The following IFT81 variants were observed in gnomAD, a reference collection of about 807,000 sequenced individuals.
IFT81 encodes the protein intraflagellar transport protein 81 homolog.
In IFT81, 72 loss-of-function variants were observed where a neutral mutation model predicts 102.6. The ratio of observed to expected loss-of-function variants is 0.70; its 90% CI spans 0.58 to 0.85. IFT81 has a LOEUF of 0.85. Ranked by LOEUF, IFT81 falls within the 40% of genes least tolerant of loss-of-function variation. The pLI, the probability that IFT81 is intolerant of heterozygous loss-of-function variation, is 0.00. For missense variants in IFT81, 723 were observed against 787.3 expected (o/e 0.92, Z 0.98); for synonymous variants, 237 against 242.7 (o/e 0.98, Z 0.22).
chr12:110,139,365 AAAAG>A (rs1894711733), intron 8 of IFT81, among the ~76,000 whole-genome samples: 1 of 150,738 alleles, frequency 6.6e-6, no homozygotes, highest in Non-Finnish European at 1.5e-5. Flanking sequence ...AGAAAAGGAA[AAAAG>A]AAAAGAAAAA....
chr12:110,145,434 GT>G lies in IFT81; in HGVS notation c.946-1511del, dbSNP rs1162828025. On this transcript the variant is annotated intron_variant, in intron 9 of 18. Transcript: ENST00000242591. ...TAAATACATAATTCTGACTGTTTTGGTTTTTTTTGTTTTTTTTTTTTTGAGA... is the reference window on the plus strand; with the variant it reads ...TAAATACATAATTCTGACTGTTTTGGTTTTTTTGTTTTTTTTTTTTTGAGA... 2.0e-5 allele frequency among the ~76,000 whole-genome samples: 3 copies of G among 149,062 alleles called. No homozygotes were observed. The Admixed American group carries it at 2.0e-4, about 10-fold the overall frequency.
intron 12 of IFT81, among the ~76,000 whole-genome samples, chr12:110,185,425 C>T (rs1897486601): frequency 6.6e-6 from 1 of 152,020 alleles, no homozygotes. Context: ...CTCCCGACCT[C>T]GTGATCTGCC....
At chr12:110,200,881 C>T (rs1430447044) in intron 14 of IFT81, among the ~76,000 whole-genome samples, 8 of 151,346 alleles carry the variant, frequency 5.3e-5, no homozygotes, top group Non-Finnish European at 8.8e-5. Flanking sequence ...ACCCGGGAGG[C>T]GGAGGTTGCG....
intron 13 of IFT81, 53 bp downstream of exon 13, chr12:110,191,101 G>A: frequency 2.7e-6 from 4 of 1,473,124 alleles, no homozygotes; most frequent in Non-Finnish European, 3.6e-6. Context: ...GAAGGCAGGT[G>A]TTTTGTGTTA....
At chr12:110,205,756 A>G in intron 17 of IFT81, 76 bp downstream of exon 17, 3 of 914,598 alleles carry the variant, frequency 3.3e-6, no homozygotes, top group Middle Eastern at 3.4e-4. Flanking sequence ...AGATAGAATT[A>G]TACAAATTTA....
Position 110,141,018 on chromosome 12 carries a change from C to T in IFT81, c.782-2364C>T, listed in dbSNP as rs144176864. 1.3e-4 allele frequency among the ~76,000 whole-genome samples: 19 copies of T among 148,896 alleles called. No individual in the cohort carries two copies. The East Asian group carries it at 1.8e-3, about 14-fold the overall frequency. On this transcript the variant is annotated intron_variant, in intron 8 of 18. Transcript: ENST00000242591. ...CTGGGATTACAGGCATGAGCCACCA[C>T]GCCTGGCCTATTTTTTATTTTCTGA...
At chr12:110,174,277 CAAAAAAAA>C (rs61353726) in intron 11 of IFT81, among the ~76,000 whole-genome samples, 15 of 35,278 alleles carry the variant, frequency 4.3e-4, no homozygotes, top group East Asian at 6.9e-4. Flanking sequence ...GACTCCGTCT[CAAAAAAAA>C]AAAAAAAAAA....
intron 8 of IFT81, among the ~76,000 whole-genome samples, chr12:110,141,532 T>C (rs1894890914): frequency 6.6e-6 from 1 of 152,236 alleles, no homozygotes; most frequent in East Asian, 1.9e-4. Context: ...TTGGGCCAGA[T>C]GTATTATGCA....
At chr12:110,148,106 A>G (rs543838685) in intron 10 of IFT81, among the ~76,000 whole-genome samples, 82 of 152,130 alleles carry the variant, frequency 5.4e-4, no homozygotes, top group African/African-American at 1.8e-3. Context: ...TTTAATCCAT[A>G]TGTTCTCTTC....
chr12:110,152,192 T>C (rs531139553), intron 10 of IFT81, among the ~76,000 whole-genome samples: 1 of 152,344 alleles, frequency 6.6e-6, no homozygotes, highest in South Asian at 2.1e-4. Context: ...TGCTGGATTA[T>C]ATGCTAGCTC....
At chr12:110,193,827 C>A (rs1484516941) in intron 14 of IFT81, among the ~76,000 whole-genome samples, 1 of 152,074 alleles carries the variant, frequency 6.6e-6, no homozygotes, top group East Asian at 1.9e-4. Context: ...ATTAGAGCAT[C>A]ACAACTGGAT....
chr12:110,201,685 G>A (rs1277713510), intron 14 of IFT81, among the ~76,000 whole-genome samples: 1 of 151,998 alleles, frequency 6.6e-6, no homozygotes, highest in Admixed American at 6.6e-5. Context: ...GGGCTCAAGC[G>A]ATCCACCCGC....
At chr12:110,146,737 G>A (rs1895245966) in intron 9 of IFT81, among the ~76,000 whole-genome samples, 1 of 152,044 alleles carries the variant, frequency 6.6e-6, no homozygotes, top group Non-Finnish European at 1.5e-5. Context: ...GGGAGGCCAA[G>A]GTGGGAGGAT....
At chr12:110,189,152 T>C (rs1897681553) in intron 12 of IFT81, among the ~76,000 whole-genome samples, 1 of 152,092 alleles carries the variant, frequency 6.6e-6, no homozygotes. Flanking sequence ...TGATTTCTTA[T>C]CATTTCTTTA....
intron 8 of IFT81, among the ~76,000 whole-genome samples, chr12:110,137,131 G>A (rs960708873): frequency 2.0e-5 from 3 of 152,190 alleles, no homozygotes; most frequent in African/African-American, 7.2e-5. Context: ...CGAGAGGTCA[G>A]GAGTTCGAGA....
At chr12:110,150,644 T>C (rs1895474870) in intron 10 of IFT81, among the ~76,000 whole-genome samples, 1 of 152,162 alleles carries the variant, frequency 6.6e-6, no homozygotes, top group African/African-American at 2.4e-5. Flanking sequence ...ATCATTTTTA[T>C]AATATTAATC....
intron 10 of IFT81, among the ~76,000 whole-genome samples, chr12:110,153,696 C>A (rs1013689214): frequency 6.7e-6 from 1 of 150,108 alleles, no homozygotes; most frequent in Non-Finnish European, 1.5e-5. Flanking sequence ...CCGCAACCTC[C>A]GCCTCTCAGG....
intron 5 of IFT81, among the ~76,000 whole-genome samples, chr12:110,134,490 A>G (rs1202073096): frequency 6.6e-6 from 1 of 152,226 alleles, no homozygotes; most frequent in East Asian, 1.9e-4. Flanking sequence ...AAAACCAGGT[A>G]CAAACTTATG....
At chr12:110,150,715 T>C (rs1196636157) in intron 10 of IFT81, among the ~76,000 whole-genome samples, 1 of 152,210 alleles carries the variant, frequency 6.6e-6, no homozygotes, top group African/African-American at 2.4e-5. Context: ...AGAATATGAT[T>C]ACTACTGAAA....
Sources: allele counts gnomAD v4.1 joint callset (sites outside exome capture counted in the v4.1 genomes callset), GRCh38; gene constraint gnomAD v4.1.1; transcripts MANE v1.5; gene names NCBI Gene and HGNC (gene_info 2026-07-23, HGNC 2026-07-21).